The following FGD5 variants were observed in gnomAD, a reference collection of about 807,000 sequenced individuals.
FGD5 encodes the protein FYVE, RhoGEF and PH domain-containing protein 5.
In FGD5, 28 loss-of-function variants were observed where a neutral mutation model predicts 133.4. The ratio of observed to expected loss-of-function variants is 0.21; its 90% CI spans 0.16 to 0.29. The LOEUF (loss-of-function observed/expected upper bound fraction) is 0.29, where lower values mean the gene tolerates loss of function less well. FGD5 is among the 10% of genes least tolerant of loss of function. The probability of loss-of-function intolerance (pLI) is 1.00; values close to 1 mark genes in which losing one functional copy is unlikely to be tolerated. For synonymous variants in FGD5, 810 were observed against 776.5 expected, an observed-to-expected ratio of 1.04 and a Z score of -0.72; for missense variants, 1,858 against 1,895.2, an observed-to-expected ratio of 0.98 and a Z score of 0.36.
At chr3:14,931,498 T>A (rs1473246369) in intron 18 of FGD5, 2 of 152,190 alleles carry the variant, frequency 1.3e-5, no homozygotes, top group Non-Finnish European at 2.9e-5. Flanking sequence ...TTGATTCTAT[T>A]CTATACACAA....
intron 1 of FGD5, among the ~76,000 whole-genome samples, chr3:14,826,187 G>C (rs1429175423): frequency 6.6e-6 from 1 of 152,168 alleles, no homozygotes; most frequent in Non-Finnish European, 1.5e-5. Flanking sequence ...GAACACCCAT[G>C]TGCCCAGCAC....
At chr3:14,837,126 G>A (rs2036831047) in intron 1 of FGD5, among the ~76,000 whole-genome samples, 1 of 152,212 alleles carries the variant, frequency 6.6e-6, no homozygotes, top group Admixed American at 6.5e-5. Flanking sequence ...TCAAAACAGA[G>A]GCTGAGAGTG....
chr3:14,880,084 T>C (rs1246571746), intron 2 of FGD5, among the ~76,000 whole-genome samples: 1 of 152,148 alleles, frequency 6.6e-6, no homozygotes, highest in Non-Finnish European at 1.5e-5. Flanking sequence ...CGGTGGCTCA[T>C]GCCTATAATT....
At chr3:14,932,499 A>C in intron 18 of FGD5, 78 bp from the exon 19 acceptor site, 1 of 1,500,730 alleles carries the variant, frequency 6.7e-7, no homozygotes, top group Non-Finnish European at 9.0e-7. Context: ...CTCTTCACGC[A>C]TCTCAGATTG....
chr3:14,864,296 GAC>G (rs773507962), intron 2 of FGD5, 36 bp downstream of exon 2: 1 of 1,613,330 alleles, frequency 6.2e-7, no homozygotes, highest in Non-Finnish European at 8.5e-7. Context: ...GGGCATCGGA[GAC>G]GTGAGGGTGG....
chr3:14,891,219 G>T lies in FGD5; in HGVS notation c.2749-6290G>T, dbSNP rs897675459. On this transcript the variant is annotated intron_variant, in intron 4 of 19. Transcript: ENST00000285046. ...AGAGTTGGGAGTCCTCCTGCCCCAG[G>T]TCGGCAGGGAAACCTCCACCCCAGG... Among the ~76,000 whole-genome samples the T allele has an allele frequency of 2.6e-5, 4 of 152,076 alleles. No homozygotes were observed. The East Asian group carries it at 7.7e-4, about 29-fold the overall frequency.
intron 10 of FGD5, 86 bp downstream of exon 10, chr3:14,907,797 A>C: frequency 7.2e-7 from 1 of 1,388,752 alleles, no homozygotes; most frequent in Non-Finnish European, 1.0e-6. Context: ...GGCCCCAGAC[A>C]GGCCTGGCTG....
chr3:14,880,066 G>A (rs1193491739), intron 2 of FGD5, among the ~76,000 whole-genome samples: 1 of 152,214 alleles, frequency 6.6e-6, no homozygotes, highest in African/African-American at 2.4e-5. Flanking sequence ...TGCATTTACA[G>A]CTGGGCTCGG....
chr3:14,838,139 G>A (rs2036852689), intron 1 of FGD5, among the ~76,000 whole-genome samples: 1 of 152,134 alleles, frequency 6.6e-6, no homozygotes, highest in Admixed American at 6.5e-5. Context: ...TGGGACTGAG[G>A]GCCCTGCTTC....
intron 2 of FGD5, among the ~76,000 whole-genome samples, chr3:14,873,979 C>T (rs1019742943): frequency 7.2e-5 from 11 of 152,036 alleles, no homozygotes; most frequent in African/African-American, 2.4e-4. Flanking sequence ...GCCTTGGCCT[C>T]GCAAAGTGCT....
At chr3:14,923,223 C>T (rs1022520213) in intron 16 of FGD5, 48 bp downstream of exon 16, 2 of 1,576,488 alleles carry the variant, frequency 1.3e-6, no homozygotes, top group African/African-American at 1.3e-5. Context: ...GGTGGCTTCT[C>T]CCCAGGCTCC....
In FGD5 at chr3:14,880,755, C is replaced by T; in HGVS notation, c.2731C>T (p.Leu911Phe). ...TTCCCTCTGCAGATACGTGGAGATGCTCCAGCACTTAAATCTGGTGAGTTA... is the reference window on the plus strand; with the variant it reads ...TTCCCTCTGCAGATACGTGGAGATGTTCCAGCACTTAAATCTGGTGAGTTA... ...LSSEKAYVEM[L>F]QHLNLDFHGA... The change falls in exon 4 of 20, where the codon CTC (leucine) becomes TTC (phenylalanine). Residue 911 changes from leucine to phenylalanine, a missense_variant. By Grantham distance (22) the Leu-to-Phe change is conservative. Coordinates refer to ENST00000285046, the MANE Select transcript of FGD5 (RefSeq NM_152536.4). 2 of 1,613,978 alleles carry T rather than the reference C, an allele frequency of 1.2e-6. No individual in the cohort carries two copies. The highest frequency in any genetic ancestry group is 1.7e-6 in the Non-Finnish European group (2 of 1,179,876).
chr3:14,832,557 C>A (rs1307715057), intron 1 of FGD5, among the ~76,000 whole-genome samples: 1 of 152,138 alleles, frequency 6.6e-6, no homozygotes, highest in Non-Finnish European at 1.5e-5. Flanking sequence ...TGCTGAACGT[C>A]CCTTTGGGCA....
chr3:14,862,505 G>T (rs2037418425), intron 1 of FGD5, among the ~76,000 whole-genome samples: 1 of 152,156 alleles, frequency 6.6e-6, no homozygotes, highest in Non-Finnish European at 1.5e-5. Flanking sequence ...ACTTGCAGCG[G>T]AGGTGGAGGT....
intron 1 of FGD5, among the ~76,000 whole-genome samples, chr3:14,812,217 C>A (rs999081862): frequency 6.6e-6 from 1 of 152,044 alleles, no homozygotes; most frequent in Non-Finnish European, 1.5e-5. Context: ...GAGTGTGGGT[C>A]ACAGAACTGG....
intron 4 of FGD5, among the ~76,000 whole-genome samples, chr3:14,888,824 C>T (rs2037971567): frequency 1.3e-5 from 2 of 152,204 alleles, no homozygotes; most frequent in Non-Finnish European, 2.9e-5. Flanking sequence ...GAAGGGGATT[C>T]ATAGAAAGCA....
At chr3:14,837,497 T>C (rs531732471) in intron 1 of FGD5, among the ~76,000 whole-genome samples, 54 of 152,318 alleles carry the variant, frequency 3.5e-4, no homozygotes, top group African/African-American at 1.3e-3. Context: ...TGGCATTGGC[T>C]GGAGGACTAG....
chr3:14,915,376 C>T (rs2125148808), intron 11 of FGD5, among the ~76,000 whole-genome samples: 1 of 152,374 alleles, frequency 6.6e-6, no homozygotes, highest in East Asian at 1.9e-4. Context: ...GTGTCTTGTT[C>T]CATCCTTACA....
intron 19 of FGD5, 65 bp from the exon 20 acceptor site, chr3:14,933,066 G>T: frequency 6.4e-7 from 1 of 1,566,800 alleles, no homozygotes; most frequent in South Asian, 1.1e-5. Context: ...GTCTTTTCTA[G>T]GTTCTGTGAC....
Sources: gnomAD v4.1 joint callset for allele counts (sites outside exome capture counted in the v4.1 genomes callset) on GRCh38, gnomAD v4.1.1 for gene constraint, MANE v1.5 for transcripts, NCBI Gene and HGNC (gene_info 2026-07-23, HGNC 2026-07-21) for gene names.